Variants in CSNK2A2IP observed in about 807,000 individuals in gnomAD.
CSNK2A2IP encodes the protein casein kinase 2 subunit alpha' interacting protein.
the CSNK2A2IP span, among the ~76,000 whole-genome samples, chr3:88,346,330 C>T: frequency 6.6e-6 from 1 of 151,972 alleles, no homozygotes; most frequent in Non-Finnish European, 1.5e-5. Context: ...TGTGGCTACA[C>T]TAAACAGATT....
the CSNK2A2IP span, among the ~76,000 whole-genome samples, chr3:88,386,930 T>C: frequency 2.6e-5 from 4 of 152,074 alleles, no homozygotes; most frequent in East Asian, 3.9e-4. Flanking sequence ...AAGTCATGCA[T>C]TGAGATGGAT....
the CSNK2A2IP span, among the ~76,000 whole-genome samples, chr3:88,373,998 C>G: frequency 2.0e-5 from 3 of 151,662 alleles, no homozygotes; most frequent in African/African-American, 7.2e-5. Context: ...TCAAGGAACT[C>G]TAGGTATGTA....
At chr3:88,466,793 G>T in the CSNK2A2IP span, 2 of 860,036 alleles carry the variant, frequency 2.3e-6, no homozygotes, top group Non-Finnish European at 3.1e-6. Context: ...TGCTTAGCTT[G>T]TGCTTCCTGC....
At chr3:88,450,518 C>T in the CSNK2A2IP span, among the ~76,000 whole-genome samples, 1 of 152,044 alleles carries the variant, frequency 6.6e-6, no homozygotes, top group African/African-American at 2.4e-5. Flanking sequence ...AAACATTCTA[C>T]ATATAAAGGA....
the CSNK2A2IP span, among the ~76,000 whole-genome samples, chr3:88,449,842 C>CAA: frequency 1.2e-5 from 1 of 86,702 alleles, no homozygotes; most frequent in African/African-American, 3.6e-5. Context: ...CACACACACA[C>CAA]ACACACACAC....
At chr3:88,425,795 A>G in the CSNK2A2IP span, among the ~76,000 whole-genome samples, 3 of 152,128 alleles carry the variant, frequency 2.0e-5, no homozygotes, top group East Asian at 3.9e-4. Context: ...GTGCTTTTCC[A>G]CCAAGATTAT....
chr3:88,444,781 C>T, the CSNK2A2IP span, among the ~76,000 whole-genome samples: 5 of 152,250 alleles, frequency 3.3e-5, no homozygotes, highest in African/African-American at 9.6e-5. Context: ...TTGGAGGCTA[C>T]GTTCTTGATT....
chr3:88,390,224 A>G, the CSNK2A2IP span, among the ~76,000 whole-genome samples: 126 of 152,308 alleles, frequency 8.3e-4, 2 homozygotes, highest in Admixed American at 7.1e-3. Context: ...ATGGAATCAA[A>G]TGAGGCTGGC....
the CSNK2A2IP span, among the ~76,000 whole-genome samples, chr3:88,437,874 T>A: frequency 2.6e-5 from 4 of 152,186 alleles, no homozygotes; most frequent in African/African-American, 9.6e-5. Flanking sequence ...CATTTAATAT[T>A]TACAGAGTTA....
At chr3:88,446,078 CTTTCTTTCTTTCT>C in the CSNK2A2IP span, among the ~76,000 whole-genome samples, 1 of 106,548 alleles carries the variant, frequency 9.4e-6, no homozygotes, top group African/African-American at 3.6e-5. Context: ...TTCTTTCTTT[CTTTCTTTCTTTCT>C]TTCTTTCTTT....
At chr3:88,360,961 A>G in the CSNK2A2IP span, among the ~76,000 whole-genome samples, 1 of 152,220 alleles carries the variant, frequency 6.6e-6, no homozygotes, top group African/African-American at 2.4e-5. Context: ...CAACAAAAAA[A>G]CAAGCAAAGA....
At chr3:88,390,275 A>G in the CSNK2A2IP span, among the ~76,000 whole-genome samples, 19 of 152,330 alleles carry the variant, frequency 1.2e-4, no homozygotes, top group African/African-American at 4.3e-4. Flanking sequence ...CCGTCCATGT[A>G]GCTTTTTTGG....
At chr3:88,363,365 G>C in the CSNK2A2IP span, among the ~76,000 whole-genome samples, 4 of 151,938 alleles carry the variant, frequency 2.6e-5, no homozygotes, top group African/African-American at 9.7e-5. Context: ...CCCTTCAGTC[G>C]TAAAGTTCTC....
the CSNK2A2IP span, among the ~76,000 whole-genome samples, chr3:88,342,679 G>GA: frequency 5.9e-3 from 836 of 140,790 alleles, 4 homozygotes; most frequent in African/African-American, 0.015. Context: ...TATATTGTCA[G>GA]AAAAAAAAAT....
At chr3:88,357,241 A>AT in the CSNK2A2IP span, among the ~76,000 whole-genome samples, 15 of 152,068 alleles carry the variant, frequency 9.9e-5, no homozygotes, top group Non-Finnish European at 2.1e-4. Context: ...ACAGTTTTTG[A>AT]TTTTAAATTT....
chr3:88,404,313 C>T, the CSNK2A2IP span, among the ~76,000 whole-genome samples: 98 of 151,992 alleles, frequency 6.4e-4, no homozygotes, highest in Non-Finnish European at 1.3e-3. Context: ...GTGCCAACCC[C>T]GCAAAATAAA....
At chr3:88,401,331 T>C in the CSNK2A2IP span, among the ~76,000 whole-genome samples, 2 of 152,240 alleles carry the variant, frequency 1.3e-5, no homozygotes, top group African/African-American at 4.8e-5. Flanking sequence ...ATTATTTAGA[T>C]AAAATTATGA....
chr3:88,395,666 G>A, the CSNK2A2IP span, among the ~76,000 whole-genome samples: 2 of 152,110 alleles, frequency 1.3e-5, no homozygotes, highest in East Asian at 3.9e-4. Context: ...TTGTAATTGG[G>A]ATTGAACTGA....
At chr3:88,453,272 A>G in the CSNK2A2IP span, among the ~76,000 whole-genome samples, 1 of 152,146 alleles carries the variant, frequency 6.6e-6, no homozygotes, top group African/African-American at 2.4e-5. Context: ...GAGTTATAAA[A>G]AATTAATATA....
Sources: allele counts gnomAD v4.1 joint callset (sites outside exome capture counted in the v4.1 genomes callset), GRCh38; gene constraint gnomAD v4.1.1; transcripts MANE v1.5; gene names NCBI Gene and HGNC (gene_info 2026-07-23, HGNC 2026-07-21).